JMJD1C: variants seen among roughly 807,000 people sequenced by gnomAD.
The protein encoded by JMJD1C is jumonji domain-containing protein 1C.
A neutral mutation model predicts 245.3 loss-of-function variants in JMJD1C; 31 were observed. The ratio of observed to expected loss-of-function variants is 0.13; its 90% CI spans 0.09 to 0.17. The LOEUF (loss-of-function observed/expected upper bound fraction) is 0.17, where lower values mean the gene tolerates loss of function less well. JMJD1C is among the 10% of genes least tolerant of loss of function. The pLI is 1.00. For synonymous variants in JMJD1C, 1,057 were observed against 1,017.4 expected, an observed-to-expected ratio of 1.04 and a Z score of -0.74; for missense variants, 2,691 against 3,000.2, an observed-to-expected ratio of 0.90 and a Z score of 2.41.
intron 2 of JMJD1C, among the ~76,000 whole-genome samples, chr10:63,296,019 T>C (rs1357620276): frequency 8.7e-6 from 1 of 114,406 alleles, no homozygotes; most frequent in Non-Finnish European, 1.9e-5. Flanking sequence ...ATATATTTTT[T>C]TTTTTTTCTT....
At chr10:63,516,758 T>C (rs1955028789) in intron 1 of JMJD1C, among the ~76,000 whole-genome samples, 1 of 152,210 alleles carries the variant, frequency 6.6e-6, no homozygotes, top group African/African-American at 2.4e-5. Flanking sequence ...TATTTTACTT[T>C]TTGTGTTGTC....
chr10:63,397,640 C>T (rs1948592030), intron 1 of JMJD1C, among the ~76,000 whole-genome samples: 1 of 152,132 alleles, frequency 6.6e-6, no homozygotes, highest in Non-Finnish European at 1.5e-5. Context: ...CTCAAACAAT[C>T]CTCCCACCTC....
chr10:63,315,719 A>C (rs1017498291), intron 2 of JMJD1C, among the ~76,000 whole-genome samples: 2 of 151,860 alleles, frequency 1.3e-5, no homozygotes, highest in African/African-American at 4.8e-5. Context: ...ATGCACCTGT[A>C]GTCCCAGCTA....
At chr10:63,328,064 C>T (rs761072861) in intron 2 of JMJD1C, among the ~76,000 whole-genome samples, 1 of 151,996 alleles carries the variant, frequency 6.6e-6, no homozygotes, top group East Asian at 2.0e-4. Context: ...CACCTGAGGT[C>T]GGGAGTTTGA....
At chr10:63,381,227 C>A (rs998899528) in intron 1 of JMJD1C, among the ~76,000 whole-genome samples, 1 of 152,112 alleles carries the variant, frequency 6.6e-6, no homozygotes, top group South Asian at 2.1e-4. Flanking sequence ...GGATCTTGAC[C>A]CAGCATGGTG....
chr10:63,305,683 T>TGTGTGTG (rs71025152), intron 2 of JMJD1C, among the ~76,000 whole-genome samples: 123 of 146,380 alleles, frequency 8.4e-4, no homozygotes, highest in South Asian at 1.3e-3. Flanking sequence ...TGTGTGTGTG[T>TGTGTGTG]TGAAAGATCT....
chr10:63,463,363 C>T (rs1303424102), intron 1 of JMJD1C, among the ~76,000 whole-genome samples: 1 of 152,038 alleles, frequency 6.6e-6, no homozygotes, highest in Non-Finnish European at 1.5e-5. Flanking sequence ...GACAGGGTTT[C>T]GCCATGTTGC....
chr10:63,332,035 C>A (rs999222444), intron 2 of JMJD1C, among the ~76,000 whole-genome samples: 1 of 152,156 alleles, frequency 6.6e-6, no homozygotes, highest in Non-Finnish European at 1.5e-5. Flanking sequence ...TATTAATATG[C>A]GTATCTTAAA....
intron 1 of JMJD1C, among the ~76,000 whole-genome samples, chr10:63,473,471 T>C (rs1469350843): frequency 6.6e-6 from 1 of 151,734 alleles, no homozygotes; most frequent in Non-Finnish European, 1.5e-5. Context: ...AGTCTCGAAC[T>C]CCTGACCTCA....
At chr10:63,438,247 T>C (rs1951169755) in intron 1 of JMJD1C, among the ~76,000 whole-genome samples, 1 of 152,190 alleles carries the variant, frequency 6.6e-6, no homozygotes, top group Admixed American at 6.6e-5. Context: ...GGTAACTCTA[T>C]GTTTTGCAGG....
intron 1 of JMJD1C, among the ~76,000 whole-genome samples, chr10:63,513,356 TAGA>T (rs1180078068): frequency 6.6e-6 from 1 of 152,130 alleles, no homozygotes; most frequent in African/African-American, 2.4e-5. Flanking sequence ...ATAAGAATCC[TAGA>T]AGAAAACCTA....
At position 63,465,737 on chromosome 10, in the gene JMJD1C, T is replaced by A; in HGVS notation, c.-75A>T. 1.9e-6 allele frequency: 3 copies of A among 1,547,420 alleles called. No homozygotes were observed. Among genetic ancestry groups the A allele is most frequent in the Non-Finnish European group, 2.6e-6 (3 of 1,136,650 alleles). The stretch of plus-strand genomic sequence containing the variant: ...ATGAAACCTCACTCCTACCGGCCGC[T>A]CATGCTGAGGAGAGCGGACCGGGAC... On this transcript the variant is annotated 5_prime_UTR_variant, in exon 1 of 26. Coordinates refer to ENST00000399262, the MANE Select transcript of JMJD1C (RefSeq NM_032776.3).
At chr10:63,196,572 T>C (rs191205743) in intron 13 of JMJD1C, among the ~76,000 whole-genome samples, 315 of 152,320 alleles carry the variant, frequency 2.1e-3, no homozygotes, top group South Asian at 4.4e-3. Flanking sequence ...GGTTAAATCA[T>C]GGTTCATCTA....
upstream of JMJD1C, among the ~76,000 whole-genome samples, chr10:63,468,842 G>C (rs943706986): frequency 6.6e-6 from 1 of 152,196 alleles, no homozygotes; most frequent in Non-Finnish European, 1.5e-5. Context: ...TGGGCTGGAT[G>C]ATGGCATGTG....
At chr10:63,440,195 C>T (rs1040112980) in intron 1 of JMJD1C, among the ~76,000 whole-genome samples, 27 of 152,082 alleles carry the variant, frequency 1.8e-4, no homozygotes, top group South Asian at 8.3e-4. Context: ...ATTAGCTAAG[C>T]ATGGTGGCAG....
intron 2 of JMJD1C, among the ~76,000 whole-genome samples, chr10:63,360,791 TTTTTTA>T (rs992263206): frequency 1.6e-4 from 24 of 149,268 alleles, no homozygotes; most frequent in Admixed American, 3.3e-4. Context: ...TATAGTTTCT[TTTTTTA>T]TTTTTGAGAC....
intron 2 of JMJD1C, among the ~76,000 whole-genome samples, chr10:63,298,830 T>A (rs1859739596): frequency 6.6e-6 from 1 of 152,134 alleles, no homozygotes; most frequent in African/African-American, 2.4e-5. Flanking sequence ...CCTCCCGGGT[T>A]CAAGCGATTC....
intron 2 of JMJD1C, among the ~76,000 whole-genome samples, chr10:63,307,993 T>C (rs953910753): frequency 2.6e-5 from 4 of 151,320 alleles, no homozygotes; most frequent in African/African-American, 9.7e-5. Flanking sequence ...CTAATAAAAA[T>C]ACAAAAAAAA....
chr10:63,272,572 T>A (rs1452934028), intron 2 of JMJD1C, among the ~76,000 whole-genome samples: 2 of 152,208 alleles, frequency 1.3e-5, no homozygotes, highest in African/African-American at 4.8e-5. Context: ...TAGAACGAAG[T>A]GTTTTTAATA....
Sources: gnomAD v4.1 joint callset for allele counts (sites outside exome capture counted in the v4.1 genomes callset) on GRCh38, gnomAD v4.1.1 for gene constraint, MANE v1.5 for transcripts, NCBI Gene and HGNC (gene_info 2026-07-23, HGNC 2026-07-21) for gene names.